The following AGPS variants were observed in gnomAD, a reference collection of about 807,000 sequenced individuals.
AGPS encodes alkyldihydroxyacetonephosphate synthase, peroxisomal.
Under a neutral mutation model 90.7 loss-of-function variants are expected in AGPS, and 26 were observed. The observed-to-expected ratio is 0.29, with a 90% CI of 0.21 to 0.40. The LOEUF is 0.40. AGPS is among the 10% of genes least tolerant of loss of function. AGPS has a pLI of 1.00. For synonymous variants in AGPS, 294 were observed against 285.3 expected, an observed-to-expected ratio of 1.03 and a Z score of -0.31; for missense variants, 540 against 816.1, an observed-to-expected ratio of 0.66 and a Z score of 4.12.
intron 9 of AGPS, among the ~76,000 whole-genome samples, chr2:177,465,373 G>A (rs542295114): frequency 6.6e-6 from 1 of 152,248 alleles, no homozygotes; most frequent in Admixed American, 6.5e-5. Flanking sequence ...TTCTGTCATG[G>A]GATTCTTGGG....
intron 19 of AGPS, 58 bp downstream of exon 19, chr2:177,523,863 A>G (rs2079056095): frequency 2.2e-6 from 3 of 1,391,158 alleles, no homozygotes; most frequent in Non-Finnish European, 2.0e-6. Flanking sequence ...TATTCAGTTC[A>G]GTAAAATGCT....
chr2:177,444,072 C>G (rs1686693542), intron 7 of AGPS, among the ~76,000 whole-genome samples: 1 of 152,100 alleles, frequency 6.6e-6, no homozygotes, highest in Non-Finnish European at 1.5e-5. Context: ...ATAATACTGT[C>G]TTTTGTTTAG....
intron 1 of AGPS, among the ~76,000 whole-genome samples, chr2:177,394,903 A>G (rs1685126819): frequency 6.6e-6 from 1 of 152,170 alleles, no homozygotes; most frequent in Non-Finnish European, 1.5e-5. Flanking sequence ...CTATTATTCC[A>G]GGGAGAAATG....
intron 18 of AGPS, 47 bp from the exon 19 acceptor site, chr2:177,523,701 A>G (rs1414729765): frequency 6.4e-7 from 1 of 1,564,066 alleles, no homozygotes; most frequent in South Asian, 1.1e-5. Context: ...TTCACTGCAA[A>G]ATGAAATCTA....
At chr2:177,460,822 A>T (rs1182379063) in intron 8 of AGPS, among the ~76,000 whole-genome samples, 1 of 152,208 alleles carries the variant, frequency 6.6e-6, no homozygotes, top group Non-Finnish European at 1.5e-5. Flanking sequence ...TATATTGAAT[A>T]TTTAGTGGAG....
At chr2:177,425,479 G>A (rs4893946) in intron 2 of AGPS, among the ~76,000 whole-genome samples, 93,293 of 151,628 alleles carry the variant, frequency 0.62, 31,080 homozygotes, top group Admixed American at 0.73. Context: ...AAATTAGCAG[G>A]GCATGGTGGC....
At chr2:177,524,338 T>C (rs1229148930) in intron 19 of AGPS, among the ~76,000 whole-genome samples, 1 of 152,216 alleles carries the variant, frequency 6.6e-6, no homozygotes, top group Non-Finnish European at 1.5e-5. Context: ...TTGTCAGAAT[T>C]TATCACATCA....
chr2:177,454,671 C>T (rs374652541), intron 8 of AGPS, among the ~76,000 whole-genome samples: 84 of 150,590 alleles, frequency 5.6e-4, no homozygotes, highest in African/African-American at 1.5e-3. Context: ...TTGTGAATTT[C>T]GATGTTTTTC....
At chr2:177,422,019 A>G (rs1685954714) in intron 2 of AGPS, among the ~76,000 whole-genome samples, 2 of 152,006 alleles carry the variant, frequency 1.3e-5, no homozygotes, top group Admixed American at 6.6e-5. Flanking sequence ...TGTGTGTGAA[A>G]TGAATGACTA....
At chr2:177,485,006 G>A (rs1037172946) in intron 11 of AGPS, among the ~76,000 whole-genome samples, 10 of 152,032 alleles carry the variant, frequency 6.6e-5, no homozygotes, top group Non-Finnish European at 4.4e-5. Flanking sequence ...GGACTCAAGC[G>A]ATCCTCCAGT....
Position 177,484,641 on chromosome 2 carries a change from C to T in AGPS, c.1233+2455C>T, listed in dbSNP as rs375149526. On this transcript the variant is annotated intron_variant, in intron 11 of 19. Transcript: ENST00000264167. Reference sequence around the variant, plus strand: ...GATTACAGTCGTGAGCCACCATGCCCAGCCACAAAAAGTGTTATTAAAGAA... The same window carrying T: ...GATTACAGTCGTGAGCCACCATGCCTAGCCACAAAAAGTGTTATTAAAGAA... Among the ~76,000 whole-genome samples, 26 of 152,216 alleles carry T rather than the reference C, an allele frequency of 1.7e-4. 1 individual carries two copies. The highest frequency in any genetic ancestry group is 6.3e-4 in the African/African-American group (26 of 41,546).
At chr2:177,404,857 C>G (rs1408875510) in intron 1 of AGPS, among the ~76,000 whole-genome samples, 4 of 152,138 alleles carry the variant, frequency 2.6e-5, no homozygotes, top group African/African-American at 4.8e-5. Context: ...AAAGTACATT[C>G]TAGTTTGCCA....
chr2:177,467,558 C>T (rs777779298), intron 9 of AGPS, among the ~76,000 whole-genome samples: 6 of 152,146 alleles, frequency 3.9e-5, no homozygotes, highest in Non-Finnish European at 7.4e-5. Flanking sequence ...TCACTAACAC[C>T]ATGAGAATCT....
chr2:177,440,728 G>T (rs1468908795), intron 5 of AGPS, among the ~76,000 whole-genome samples: 1 of 152,038 alleles, frequency 6.6e-6, no homozygotes, highest in East Asian at 1.9e-4. Flanking sequence ...TAGTATTTGG[G>T]GATGTGAGAT....
At position 177,425,118 on chromosome 2, in the gene AGPS, T is replaced by A. The variant is rs1281151311; in HGVS notation, c.350+4760T>A. On this transcript the variant is annotated intron_variant, in intron 2 of 19. Coordinates refer to ENST00000264167, the MANE Select transcript of AGPS (RefSeq NM_003659.4). ...TGTCAATTTTGGCTTTTGCTGCAAT[T>A]GCTTTTGGCGTTTTTGTCGTGAAAT... is the stretch of plus-strand genomic sequence containing the variant. Among the ~76,000 whole-genome samples the A allele has an allele frequency of 2.0e-5, 3 of 152,234 alleles. No individual in the cohort carries two copies. In the East Asian group the frequency reaches 5.8e-4, roughly 29 times the overall value.
At chr2:177,468,340 A>G (rs1335198120) in intron 9 of AGPS, 76 bp from the exon 10 acceptor site, 2 of 804,458 alleles carry the variant, frequency 2.5e-6, no homozygotes, top group East Asian at 5.0e-5. Context: ...TTACATAAAT[A>G]TATATAAATG....
intron 3 of AGPS, among the ~76,000 whole-genome samples, chr2:177,434,842 A>G (rs560518805): frequency 2.0e-5 from 3 of 151,992 alleles, no homozygotes; most frequent in African/African-American, 4.8e-5. Flanking sequence ...AATTTAAAAT[A>G]AAAATGTAAA....
chr2:177,433,774 G>GT (rs996467713), intron 2 of AGPS, among the ~76,000 whole-genome samples: 18 of 151,270 alleles, frequency 1.2e-4, no homozygotes, highest in East Asian at 1.9e-4. Flanking sequence ...TGCCTGTCCA[G>GT]TTTTTTTTTA....
intron 16 of AGPS, among the ~76,000 whole-genome samples, chr2:177,511,772 T>G (rs148502625): frequency 6.6e-6 from 1 of 152,330 alleles, no homozygotes; most frequent in Non-Finnish European, 1.5e-5. Context: ...AGAGAATACT[T>G]TCAGAAACCT....
Sources: gnomAD v4.1 joint callset for allele counts (sites outside exome capture counted in the v4.1 genomes callset) on GRCh38, gnomAD v4.1.1 for gene constraint, MANE v1.5 for transcripts, NCBI Gene and HGNC (gene_info 2026-07-23, HGNC 2026-07-21) for gene names.